Variants in TMEM271 observed in about 807,000 individuals in gnomAD.
The protein encoded by TMEM271 is transmembrane protein 271.
At position 574,109 on chromosome 4, in the gene TMEM271, G is replaced by A. The variant is rs1560076327; in HGVS notation, c.*796C>T. On this transcript the variant is annotated 3_prime_UTR_variant, in exon 1 of 1. Transcript: ENST00000610212. ...AAAGAAAAGAAAAAAGAAATGTATG[G>A]GATGTGGCATCAGGGTCTCTACACA... The A allele has an allele frequency of 2.0e-5, 3 of 151,910 alleles. No individual in the cohort carries two copies. 9.4% of individuals were successfully genotyped at this position (151,910 alleles called of 1,614,324 possible).
Position 575,239 on chromosome 4 carries a change from G to A in TMEM271, c.824C>T (p.Pro275Leu), listed in dbSNP as rs1200487709. 1.2e-5 allele frequency: 2 copies of A among 171,396 alleles called. No individual in the cohort carries two copies. Among genetic ancestry groups the A allele is most frequent in the East Asian group, 1.7e-4 (1 of 6,042 alleles). 10.6% of individuals were successfully genotyped at this position (171,396 alleles called of 1,614,324 possible). A position where few individuals can be genotyped will look rare whatever the true frequency, so the allele number is the denominator to read the frequency against. ...RGGSGLRAQP[P>L]ASRARRGRRG... ...CCGGCCCCGGCGCGCCCGAGAGGCGGGCGGCTGCGCGCGGAGCCCGGAGCC... is the reference window on the plus strand; with the variant it reads ...CCGGCCCCGGCGCGCCCGAGAGGCGAGCGGCTGCGCGCGGAGCCCGGAGCC... The change falls in exon 1 of 1, where the codon CCC becomes CTC. Residue 275 changes from proline (P) to leucine (L), a missense_variant. By Grantham distance (98) the Pro-to-Leu change is moderately conservative. Coordinates refer to ENST00000610212, the MANE Select transcript of TMEM271 (RefSeq NM_001362796.2).
chr4:576,232 C>CCCGCAGCCGCCG lies in TMEM271; in HGVS notation c.-171_-170insCGGCGGCTGCGG, dbSNP rs1732434762. 1 of 147,804 alleles carries CCCGCAGCCGCCG rather than the reference C, an allele frequency of 6.8e-6. No homozygotes were observed. The highest frequency in any genetic ancestry group is 2.6e-5 in the African/African-American group (1 of 39,014). 9.2% of individuals were successfully genotyped at this position (147,804 alleles called of 1,614,324 possible). A position where few individuals can be genotyped will look rare whatever the true frequency, so the allele number is the denominator to read the frequency against. ...CCGCCGGAGCCCGCATCCTCCGCCT[C>CCCGCAGCCGCCG]CCGCCGCCGCCGCCGCCGCCGCCGC... On this transcript the variant is annotated 5_prime_UTR_variant, in exon 1 of 1. Transcript: ENST00000610212.
In TMEM271 at chr4:575,177, T is replaced by A; in HGVS notation, c.886A>T (p.Ser296Cys). The A allele has an allele frequency of 2.6e-6, 1 of 387,208 alleles. No individual in the cohort carries two copies. Among genetic ancestry groups the A allele is most frequent in the Non-Finnish European group, 4.5e-6 (1 of 219,784 alleles). 24.0% of individuals were successfully genotyped at this position (387,208 alleles called of 1,614,324 possible). The change falls in exon 1 of 1, where the codon AGC becomes TGC. Residue 296 changes from serine (S) to cysteine (C), a missense_variant. Coordinates refer to ENST00000610212, the MANE Select transcript of TMEM271 (RefSeq NM_001362796.2). ...RRGRRLQQRP[S>C]EASILSPEES... is the part of the protein sequence containing the mutation. ...TCCGGGGACAGGATGGAGGCCTCGC[T>A]CGGCCGCTGCTGCAGCCGCCGCCCC...
rs949028167 is a variant in TMEM271, at chr4:574,437, G to A, written c.*468C>T. 1 of 154,856 alleles carries A rather than the reference G, an allele frequency of 6.5e-6. No individual in the cohort carries two copies. Among genetic ancestry groups the A allele is most frequent in the African/African-American group, 2.4e-5 (1 of 41,552 alleles). 9.6% of individuals were successfully genotyped at this position (154,856 alleles called of 1,614,324 possible). A position where few individuals can be genotyped will look rare whatever the true frequency, so the allele number is the denominator to read the frequency against. ...CATCCGTGTACAAAGTGTTGCTGTT[G>A]GGTGTTCTCACTTCTTCTTTCTGAA... On this transcript the variant is annotated 3_prime_UTR_variant, in exon 1 of 1. Coordinates refer to ENST00000610212, the MANE Select transcript of TMEM271 (RefSeq NM_001362796.2).
chr4:575,577 C>T lies in TMEM271; in HGVS notation c.486G>A (p.Ala162=), dbSNP rs1294222464. 1.2e-5 allele frequency: 4 copies of T among 341,386 alleles called. No individual in the cohort carries two copies. The highest frequency in any genetic ancestry group is 2.1e-5 in the Non-Finnish European group (4 of 189,284). The allele number at this position is 341,386 out of a possible 1,614,324, so 21.1% of individuals were successfully genotyped here. Residue 162 remains alanine, a synonymous_variant, in exon 1 of 1, where the codon GCG becomes GCA. Coordinates refer to ENST00000610212, the MANE Select transcript of TMEM271 (RefSeq NM_001362796.2). ...KYSHYCLPPR[A]PGSSPGSAPG... ...GGGCCGAGCCGGGGCTCGAACCTGG[C>T]GCCCGCGGGGGCAGGCAGTAGTGCG...
Position 574,037 on chromosome 4 carries a change from G to A in TMEM271, c.*868C>T, listed in dbSNP as rs576274946. 3.6e-4 allele frequency: 54 copies of A among 149,642 alleles called. No homozygotes were observed. Among genetic ancestry groups the A allele is most frequent in the African/African-American group, 1.3e-3 (53 of 40,560 alleles). 9.3% of individuals were successfully genotyped at this position (149,642 alleles called of 1,614,324 possible). A position where few individuals can be genotyped will look rare whatever the true frequency, so the allele number is the denominator to read the frequency against. On this transcript the variant is annotated 3_prime_UTR_variant, in exon 1 of 1. Coordinates refer to ENST00000610212, the MANE Select transcript of TMEM271 (RefSeq NM_001362796.2). ...GTTCATATGTATTAATCAAAAATAA[G>A]ATCTGCTTTGCAGTCGAAACCACAC...
At position 574,670 on chromosome 4, in the gene TMEM271, A is replaced by T. The variant is rs1298209640; in HGVS notation, c.*235T>A. 2.6e-6 allele frequency: 1 copy of T among 384,594 alleles called. No individual in the cohort carries two copies. Among genetic ancestry groups the T allele is most frequent in the East Asian group, 3.7e-5 (1 of 26,916 alleles). The allele number at this position is 384,594 out of a possible 1,614,324, so 23.8% of individuals were successfully genotyped here. A position where few individuals can be genotyped will look rare whatever the true frequency, so the allele number is the denominator to read the frequency against. On this transcript the variant is annotated 3_prime_UTR_variant, in exon 1 of 1. Coordinates refer to ENST00000610212, the MANE Select transcript of TMEM271 (RefSeq NM_001362796.2). ...CCAGATATGAACGACACAAATAAGA[A>T]GAGAAACCTCCCAGATACAGAAATG...
chr4:574,640 G>A lies in TMEM271; in HGVS notation c.*265C>T. The stretch of plus-strand genomic sequence containing the variant: ...AAACATTTATTGTAAACTTGAAAAT[G>A]GAATCCAGATATGAACGACACAAAT... On this transcript the variant is annotated 3_prime_UTR_variant, in exon 1 of 1. Transcript: ENST00000610212. The A allele has an allele frequency of 2.8e-6, 1 of 360,660 alleles. No individual in the cohort carries two copies. Among genetic ancestry groups the A allele is most frequent in the Non-Finnish European group, 4.9e-6 (1 of 202,076 alleles). 22.3% of individuals were successfully genotyped at this position (360,660 alleles called of 1,614,324 possible).
Position 574,630 on chromosome 4 carries a change from A to T in TMEM271, c.*275T>A. The T allele has an allele frequency of 2.9e-6, 1 of 341,504 alleles. No homozygotes were observed. Among genetic ancestry groups the T allele is most frequent in the Non-Finnish European group, 5.3e-6 (1 of 189,632 alleles). 21.2% of individuals were successfully genotyped at this position (341,504 alleles called of 1,614,324 possible). Reference sequence around the variant, plus strand: ...AGCCAAGCCCAAACATTTATTGTAAACTTGAAAATGGAATCCAGATATGAA... The same window carrying T: ...AGCCAAGCCCAAACATTTATTGTAATCTTGAAAATGGAATCCAGATATGAA... On this transcript the variant is annotated 3_prime_UTR_variant, in exon 1 of 1. Transcript: ENST00000610212.
chr4:576,006 G>A lies in TMEM271; in HGVS notation c.57C>T (p.Ala19=), dbSNP rs1357715968. ...CAALSSCLLL[A]CALSAAAVGL... ...CGACGGCGGCGGCGCTGAGCGCGCA[G>A]GCGAGCAGGAGGCAGGAGGAGAGCG... The change falls in exon 1 of 1, where the codon GCC becomes GCT. Residue 19 remains alanine (A), a synonymous_variant. Coordinates refer to ENST00000610212, the MANE Select transcript of TMEM271 (RefSeq NM_001362796.2). 5 of 360,486 alleles carry A rather than the reference G, an allele frequency of 1.4e-5. No individual in the cohort carries two copies. Among genetic ancestry groups the A allele is most frequent in the African/African-American group, 4.3e-5 (2 of 46,716 alleles). The allele number at this position is 360,486 out of a possible 1,614,324, so 22.3% of individuals were successfully genotyped here.
rs1732392154 is a variant in TMEM271, at chr4:574,325, A to G, written c.*580T>C. On this transcript the variant is annotated 3_prime_UTR_variant, in exon 1 of 1. Coordinates refer to ENST00000610212, the MANE Select transcript of TMEM271 (RefSeq NM_001362796.2). ...AGCAATTAATTTAATAAAGGAACTC[A>G]CCAATTTTAAATTGCAATAAATTTA... 1 of 152,270 alleles carries G rather than the reference A, an allele frequency of 6.6e-6. No homozygotes were observed. The highest frequency in any genetic ancestry group is 1.5e-5 in the Non-Finnish European group (1 of 68,052). The allele number at this position is 152,270 out of a possible 1,614,324, so 9.4% of individuals were successfully genotyped here.
Position 575,074 on chromosome 4 carries a change from A to C in TMEM271, c.989T>G (p.Val330Gly), listed in dbSNP as rs1732406585. The change falls in exon 1 of 1, where the codon GTC (valine) becomes GGC (glycine). Residue 330 changes from valine (V) to glycine (G), a missense_variant. Physicochemically the swap from Val to Gly is moderately radical, Grantham distance 109. Transcript: ENST00000610212. ...GCCCGCCTCGTCCAGCGCGTGGAGG[A>C]CGCCTACGTTGATGTAGGAGACCGC... ...HHAVSYINVG[V>G]LHALDEAGAE... 19 of 396,828 alleles carry C rather than the reference A, an allele frequency of 4.8e-5. No homozygotes were observed. The East Asian group carries it at 6.8e-4, about 14-fold the overall frequency. 24.6% of individuals were successfully genotyped at this position (396,828 alleles called of 1,614,324 possible). A position where few individuals can be genotyped will look rare whatever the true frequency, so the allele number is the denominator to read the frequency against.
chr4:576,238 G>A lies in TMEM271; in HGVS notation c.-176C>T. ...GAGCCCGCATCCTCCGCCTCCCGCC[G>A]CCGCCGCCGCCGCCGCCGCCGCCGC... is the stretch of plus-strand genomic sequence containing the variant. On this transcript the variant is annotated 5_prime_UTR_variant, in exon 1 of 1. Coordinates refer to ENST00000610212, the MANE Select transcript of TMEM271 (RefSeq NM_001362796.2). The A allele has an allele frequency of 7.8e-6, 1 of 128,412 alleles. No individual in the cohort carries two copies. The highest frequency in any genetic ancestry group is 1.6e-5 in the Non-Finnish European group (1 of 61,674). 8.0% of individuals were successfully genotyped at this position (128,412 alleles called of 1,614,324 possible).
rs1732432821 is a variant in TMEM271, at chr4:576,139, C to T, written c.-77G>A. On this transcript the variant is annotated 5_prime_UTR_variant, in exon 1 of 1. Coordinates refer to ENST00000610212, the MANE Select transcript of TMEM271 (RefSeq NM_001362796.2). ...CGCCCCCGCCGCCTGCGCCTCCTCCCGGCGCCGCGCGGCCGGACCGCCGGC... is the reference window on the plus strand; with the variant it reads ...CGCCCCCGCCGCCTGCGCCTCCTCCTGGCGCCGCGCGGCCGGACCGCCGGC... The T allele has an allele frequency of 6.9e-6, 1 of 145,342 alleles. No homozygotes were observed. Among genetic ancestry groups the T allele is most frequent in the Non-Finnish European group, 1.5e-5 (1 of 65,124 alleles). The allele number at this position is 145,342 out of a possible 1,614,324, so 9.0% of individuals were successfully genotyped here.
chr4:574,785 C>A lies in TMEM271; in HGVS notation c.*120G>T. On this transcript the variant is annotated 3_prime_UTR_variant, in exon 1 of 1. Transcript: ENST00000610212. ...AAGCCACGTGGAAGAGGCGGCGCCC[C>A]TGAGGCCTGGCCCTGGACCCCGCCC... is the stretch of plus-strand genomic sequence containing the variant. 2.5e-6 allele frequency: 1 copy of A among 392,410 alleles called. No homozygotes were observed. The highest frequency in any genetic ancestry group is 4.5e-6 in the Non-Finnish European group (1 of 222,418). The allele number at this position is 392,410 out of a possible 1,614,324, so 24.3% of individuals were successfully genotyped here.
In TMEM271 at chr4:574,895, G is replaced by C; in HGVS notation, c.*10C>G. The C allele has an allele frequency of 2.5e-6, 1 of 396,268 alleles. No individual in the cohort carries two copies. Among genetic ancestry groups the C allele is most frequent in the Non-Finnish European group, 4.5e-6 (1 of 224,470 alleles). The allele number at this position is 396,268 out of a possible 1,614,324, so 24.5% of individuals were successfully genotyped here. On this transcript the variant is annotated 3_prime_UTR_variant, in exon 1 of 1. Coordinates refer to ENST00000610212, the MANE Select transcript of TMEM271 (RefSeq NM_001362796.2). ...GCGCGGTCCGCGGGATGGGGGTCCGGCCCGCGGGATCAGCAGGCCCGATGG... is the reference window on the plus strand; with the variant it reads ...GCGCGGTCCGCGGGATGGGGGTCCGCCCCGCGGGATCAGCAGGCCCGATGG...
chr4:574,068 G>A lies in TMEM271; in HGVS notation c.*837C>T, dbSNP rs868102384. ...CTTTGCAGTCGAAACCACACAACCA[G>A]TTTCCAAAAAAAAAAAAAGAAAAGA... On this transcript the variant is annotated 3_prime_UTR_variant, in exon 1 of 1. Coordinates refer to ENST00000610212, the MANE Select transcript of TMEM271 (RefSeq NM_001362796.2). 1.4e-5 allele frequency: 2 copies of A among 138,774 alleles called. No homozygotes were observed. The highest frequency in any genetic ancestry group is 3.0e-5 in the Non-Finnish European group (2 of 65,954). 8.6% of individuals were successfully genotyped at this position (138,774 alleles called of 1,614,324 possible).
rs1209352388 is a variant in TMEM271 at position 575,970 on chromosome 4, G to A, written c.93C>T (p.Cys31=). The A allele has an allele frequency of 5.4e-6, 2 of 370,726 alleles. No individual in the cohort carries two copies. The highest frequency in any genetic ancestry group is 9.6e-6 in the Non-Finnish European group (2 of 208,204). 23.0% of individuals were successfully genotyped at this position (370,726 alleles called of 1,614,324 possible). ...CGCGCAGCTCCGAGCCCAACGAGAA[G>A]CACTTGAGGCCGACGGCGGCGGCGC... is the stretch of plus-strand genomic sequence containing the variant. The part of the protein sequence containing the change: ...ALSAAAVGLK[C]FSLGSELRGE... Residue 31 remains cysteine (C), a synonymous_variant, in exon 1 of 1, where the codon TGC becomes TGT. Coordinates refer to ENST00000610212, the MANE Select transcript of TMEM271 (RefSeq NM_001362796.2).
Position 575,100 on chromosome 4 carries a change from G to C in TMEM271, c.963C>G (p.His321Gln), listed in dbSNP as rs1732407033. ...CGCCTACGTTGATGTAGGAGACCGC[G>C]TGGTGCGCCGCGAAGCCCGCGCAGT... Reference protein sequence around the residue: ...PGDCAGFAAHHAVSYINVGVL... With the variant: ...PGDCAGFAAHQAVSYINVGVL... Residue 321 changes from histidine to glutamine, a missense_variant, in exon 1 of 1, where the codon CAC becomes CAG. By Grantham distance (24) the His-to-Gln change is conservative. Transcript: ENST00000610212. 1 of 396,168 alleles carries C rather than the reference G, an allele frequency of 2.5e-6. No individual in the cohort carries two copies. Among genetic ancestry groups the C allele is most frequent in the African/African-American group, 2.1e-5 (1 of 48,458 alleles). The allele number at this position is 396,168 out of a possible 1,614,324, so 24.5% of individuals were successfully genotyped here. A position where few individuals can be genotyped will look rare whatever the true frequency, so the allele number is the denominator to read the frequency against.
Sources: allele counts gnomAD v4.1 joint callset, GRCh38; gene constraint gnomAD v4.1.1; transcripts MANE v1.5; gene names NCBI Gene and HGNC (gene_info 2026-07-23, HGNC 2026-07-21).